IMMP1L: variants seen among roughly 807,000 people sequenced by gnomAD.
The protein encoded by IMMP1L is inner mitochondrial membrane peptidase subunit 1.
In IMMP1L, 24 loss-of-function variants were observed where a neutral mutation model predicts 21.8. The ratio of observed to expected loss-of-function variants is 1.10; its 90% confidence interval spans 0.80 to 1.55. The LOEUF (loss-of-function observed/expected upper bound fraction) is 1.55. IMMP1L is among the 40% of genes most tolerant of loss of function. The pLI, the probability that IMMP1L is intolerant of heterozygous loss-of-function variation, is 0.00. For synonymous variants in IMMP1L, 46 were observed against 62.8 expected, an observed-to-expected ratio of 0.73 and a Z score of 1.26; for missense variants, 195 against 200.7, an observed-to-expected ratio of 0.97 and a Z score of 0.17.
At chr11:31,489,679 T>G (rs1407132862) in intron 1 of IMMP1L, among the ~76,000 whole-genome samples, 1 of 152,204 alleles carries the variant, frequency 6.6e-6, no homozygotes, top group African/African-American at 2.4e-5. Context: ...TCTCTCTTCC[T>G]CCTCTTTTGT....
At chr11:31,469,807 A>G (rs1309108835) in intron 1 of IMMP1L, 1 of 152,232 alleles carries the variant, frequency 6.6e-6, no homozygotes, top group Non-Finnish European at 1.5e-5. Flanking sequence ...GCTGAAAAAG[A>G]CAATGAGAAA....
intron 3 of IMMP1L, among the ~76,000 whole-genome samples, chr11:31,458,802 T>G (rs1223068): frequency 0.36 from 54,925 of 152,114 alleles, 12,151 homozygotes; most frequent in African/African-American, 0.63. Flanking sequence ...AAATAAGATC[T>G]TCAAAGAATC....
intron 4 of IMMP1L, among the ~76,000 whole-genome samples, chr11:31,434,473 AT>A (rs1953045734): frequency 6.6e-6 from 1 of 152,150 alleles, no homozygotes; most frequent in Non-Finnish European, 1.5e-5. Flanking sequence ...CAGTTGAATT[AT>A]TGACCAGACC....
chr11:31,435,669 C>T (rs1021027812), intron 4 of IMMP1L, among the ~76,000 whole-genome samples: 3 of 152,076 alleles, frequency 2.0e-5, no homozygotes, highest in African/African-American at 7.2e-5. Flanking sequence ...TATCTTTTTG[C>T]ATGTCTTTTG....
At chr11:31,445,943 C>T (rs1953503528) in intron 4 of IMMP1L, among the ~76,000 whole-genome samples, 1 of 152,192 alleles carries the variant, frequency 6.6e-6, no homozygotes, top group African/African-American at 2.4e-5. Flanking sequence ...AATAGCAAAG[C>T]ATCCAGATGT....
chr11:31,463,196 A>C lies in IMMP1L; in HGVS notation c.81T>G (p.Phe27Leu). The change falls in exon 2 of 6, where the codon TTT becomes TTG. Residue 27 changes from phenylalanine to leucine, a missense_variant. Coordinates refer to ENST00000532287, the MANE Select transcript of IMMP1L (RefSeq NM_001304274.2). ...IQYGCIAHCAFEYVGGVVMCS... is the reference protein window; with the variant it reads ...IQYGCIAHCALEYVGGVVMCS... ...CCATGACAACACCACCAACGTATTC[A>C]AAAGCACAATGAGCTATACAGCCAT... 2 of 1,610,072 alleles carry C rather than the reference A, an allele frequency of 1.2e-6. No homozygotes were observed. Among genetic ancestry groups the C allele is most frequent in the Non-Finnish European group, 1.7e-6 (2 of 1,178,380 alleles).
chr11:31,458,294 T>G (rs1675237513), intron 3 of IMMP1L, among the ~76,000 whole-genome samples: 2 of 152,170 alleles, frequency 1.3e-5, no homozygotes, highest in African/African-American at 2.4e-5. Flanking sequence ...ATTAAAAATT[T>G]TCTCATTTAT....
chr11:31,501,533 A>G (rs1438313192), intron 1 of IMMP1L, among the ~76,000 whole-genome samples: 2 of 152,310 alleles, frequency 1.3e-5, no homozygotes, highest in African/African-American at 4.8e-5. Flanking sequence ...GTGAGCCAAT[A>G]TATTTCTGTT....
At chr11:31,504,845 T>C (rs1016432749) in intron 1 of IMMP1L, among the ~76,000 whole-genome samples, 3 of 152,144 alleles carry the variant, frequency 2.0e-5, no homozygotes, top group Non-Finnish European at 2.9e-5. Flanking sequence ...GTAGAGAGTA[T>C]AATAAAAGTA....
intron 3 of IMMP1L, among the ~76,000 whole-genome samples, chr11:31,460,411 G>A (rs1954097700): frequency 6.6e-6 from 1 of 152,088 alleles, no homozygotes; most frequent in Non-Finnish European, 1.5e-5. Context: ...AATGATGCAA[G>A]AGATACAATG....
At chr11:31,484,415 A>G (rs1955001922) in intron 1 of IMMP1L, among the ~76,000 whole-genome samples, 1 of 151,916 alleles carries the variant, frequency 6.6e-6, no homozygotes, top group Non-Finnish European at 1.5e-5. Context: ...ATGGTATGTG[A>G]AAAACTTTCC....
At chr11:31,440,117 C>G (rs886111385) in intron 4 of IMMP1L, among the ~76,000 whole-genome samples, 48 of 152,166 alleles carry the variant, frequency 3.2e-4, no homozygotes, top group Non-Finnish European at 1.0e-4. Context: ...TAATCTTTGT[C>G]TCAACTCAGC....
chr11:31,509,553 A>G lies in IMMP1L; in HGVS notation c.-64T>C, dbSNP rs2295748. 0.25 allele frequency: 145,626 copies of G among 572,860 alleles called. 19,534 individuals are homozygous for G. The highest frequency in any genetic ancestry group is 0.34 in the African/African-American group (18,042 of 53,476). 35.5% of individuals were successfully genotyped at this position (572,860 alleles called of 1,614,324 possible). On this transcript the variant is annotated 5_prime_UTR_variant, in exon 1 of 6. Coordinates refer to ENST00000532287, the MANE Select transcript of IMMP1L (RefSeq NM_001304274.2). Reference sequence around the variant, plus strand: ...CAAAGAACCCTGGAGACCCTCAACCAGGACACAGGTGGGCCTTTCTCACCT... The same window carrying G: ...CAAAGAACCCTGGAGACCCTCAACCGGGACACAGGTGGGCCTTTCTCACCT...
intron 4 of IMMP1L, among the ~76,000 whole-genome samples, chr11:31,448,225 C>T (rs185235399): frequency 7.9e-5 from 12 of 152,290 alleles, no homozygotes; most frequent in Non-Finnish European, 1.5e-4. Flanking sequence ...AGGAGAATTG[C>T]TTGAACCTCG....
At chr11:31,502,308 A>G (rs1400464599) in intron 1 of IMMP1L, among the ~76,000 whole-genome samples, 1 of 152,236 alleles carries the variant, frequency 6.6e-6, no homozygotes, top group Non-Finnish European at 1.5e-5. Context: ...AAATTATGTA[A>G]TAAATGGATC....
chr11:31,505,843 TTTGA>T (rs1955760245), intron 1 of IMMP1L, among the ~76,000 whole-genome samples: 1 of 152,206 alleles, frequency 6.6e-6, no homozygotes, highest in Admixed American at 6.5e-5. Context: ...CTTCCTATGA[TTTGA>T]TTAACATTTT....
chr11:31,483,003 C>T (rs922779895), intron 1 of IMMP1L, among the ~76,000 whole-genome samples: 1 of 151,896 alleles, frequency 6.6e-6, no homozygotes, highest in African/African-American at 2.4e-5. Context: ...AAACAAACTA[C>T]AACTATATAG....
intron 1 of IMMP1L, among the ~76,000 whole-genome samples, chr11:31,503,426 G>A (rs1330433957): frequency 1.3e-5 from 2 of 152,002 alleles, no homozygotes; most frequent in Admixed American, 1.3e-4. Context: ...TAAACAGAAA[G>A]TAGAAAGTAA....
intron 1 of IMMP1L, among the ~76,000 whole-genome samples, chr11:31,502,520 G>A (rs1192722113): frequency 1.3e-5 from 2 of 152,164 alleles, no homozygotes; most frequent in Non-Finnish European, 2.9e-5. Flanking sequence ...AGGAGCCTGT[G>A]GGACCCTTCG....
Sources: allele counts gnomAD v4.1 joint callset (sites outside exome capture counted in the v4.1 genomes callset), GRCh38; gene constraint gnomAD v4.1.1; transcripts MANE v1.5; gene names NCBI Gene and HGNC (gene_info 2026-07-23, HGNC 2026-07-21).